The following HIBADH variants were observed in gnomAD, a reference collection of about 807,000 sequenced individuals.
The protein encoded by HIBADH is 3-hydroxyisobutyrate dehydrogenase.
Under a neutral mutation model 36.1 loss-of-function variants are expected in HIBADH, and 25 were observed. The observed-to-expected ratio is 0.69, with a 90% CI of 0.50 to 0.97. The LOEUF (loss-of-function observed/expected upper bound fraction) is 0.97. Ranked by LOEUF, HIBADH falls within the 50% of genes least tolerant of loss-of-function variation. The pLI, the probability that HIBADH is intolerant of heterozygous loss-of-function variation, is 0.00. For synonymous variants in HIBADH, 160 were observed against 149.5 expected (o/e 1.07, Z -0.51); for missense variants, 421 against 418.0 (o/e 1.01, Z -0.06).
intron 4 of HIBADH, among the ~76,000 whole-genome samples, chr7:27,576,720 C>A (rs1050569485): frequency 6.6e-6 from 1 of 152,152 alleles, no homozygotes. Flanking sequence ...CTGGCAAATA[C>A]AAAATGCCAA....
chr7:27,574,479 T>C (rs1446159797), intron 4 of HIBADH, among the ~76,000 whole-genome samples: 4 of 152,106 alleles, frequency 2.6e-5, no homozygotes, highest in South Asian at 2.1e-4. Context: ...CCAAGGAAAG[T>C]ACATTCCAAA....
At chr7:27,549,251 T>C (rs1341008761) in intron 4 of HIBADH, among the ~76,000 whole-genome samples, 4 of 152,190 alleles carry the variant, frequency 2.6e-5, no homozygotes, top group East Asian at 3.9e-4. Context: ...TTCTTGAAAA[T>C]TGCTGAGAGT....
intron 6 of HIBADH, among the ~76,000 whole-genome samples, chr7:27,537,092 T>C (rs1784080512): frequency 6.6e-6 from 1 of 152,138 alleles, no homozygotes; most frequent in African/African-American, 2.4e-5. Flanking sequence ...TTATGATAAG[T>C]GACCCATATC....
At chr7:27,603,661 A>AT (rs1295351331) in intron 4 of HIBADH, among the ~76,000 whole-genome samples, 1 of 152,196 alleles carries the variant, frequency 6.6e-6, no homozygotes, top group Non-Finnish European at 1.5e-5. Flanking sequence ...AGAATTAAAT[A>AT]TAACATCTTT....
chr7:27,647,227 C>T (rs1471963565), intron 2 of HIBADH, among the ~76,000 whole-genome samples: 1 of 152,170 alleles, frequency 6.6e-6, no homozygotes, highest in Non-Finnish European at 1.5e-5. Flanking sequence ...CAGGGAGTGT[C>T]TGCAGCATGG....
chr7:27,635,883 C>T (rs761507117), intron 2 of HIBADH, among the ~76,000 whole-genome samples: 18 of 152,306 alleles, frequency 1.2e-4, no homozygotes, highest in Non-Finnish European at 2.6e-4. Context: ...ATTTTGACTA[C>T]AGGAAATTGG....
chr7:27,628,890 T>A (rs2128294234), intron 4 of HIBADH, among the ~76,000 whole-genome samples: 1 of 152,256 alleles, frequency 6.6e-6, no homozygotes, highest in Admixed American at 6.5e-5. Context: ...GGGAAGTATT[T>A]CCTCTTTTCC....
At chr7:27,627,133 A>T (rs561967856) in intron 4 of HIBADH, among the ~76,000 whole-genome samples, 1 of 152,190 alleles carries the variant, frequency 6.6e-6, no homozygotes, top group African/African-American at 2.4e-5. Context: ...GTCATGCGGC[A>T]TGCTGACCAC....
chr7:27,603,847 G>A (rs1387255863), intron 4 of HIBADH, among the ~76,000 whole-genome samples: 1 of 152,138 alleles, frequency 6.6e-6, no homozygotes, highest in Admixed American at 6.5e-5. Context: ...CACATTTCGA[G>A]CTTTAAAACA....
intron 1 of HIBADH, among the ~76,000 whole-genome samples, chr7:27,659,654 T>G (rs1252558711): frequency 6.6e-6 from 1 of 152,020 alleles, no homozygotes; most frequent in African/African-American, 2.4e-5. Flanking sequence ...CCCACGAGGT[T>G]GAGGCTGCAA....
At chr7:27,581,137 T>G (rs940073186) in intron 4 of HIBADH, among the ~76,000 whole-genome samples, 1 of 152,164 alleles carries the variant, frequency 6.6e-6, no homozygotes, top group African/African-American at 2.4e-5. Context: ...GAAGGGGAAC[T>G]GTCAAGCAGC....
At chr7:27,634,736 A>G (rs570735437) in intron 2 of HIBADH, among the ~76,000 whole-genome samples, 26 of 152,216 alleles carry the variant, frequency 1.7e-4, no homozygotes, top group Non-Finnish European at 3.4e-4. Flanking sequence ...TTCCATCTAC[A>G]TAACTCCTTT....
intron 4 of HIBADH, among the ~76,000 whole-genome samples, chr7:27,550,101 G>C (rs1469379442): frequency 6.6e-6 from 1 of 151,960 alleles, no homozygotes; most frequent in East Asian, 1.9e-4. Context: ...AGTAGAGATG[G>C]GGTTTCACCA....
chr7:27,559,160 AAGG>A (rs1784432452), intron 4 of HIBADH, among the ~76,000 whole-genome samples: 1 of 152,090 alleles, frequency 6.6e-6, no homozygotes. Context: ...CCCTTTTTGT[AAGG>A]AGAACAATCA....
At chr7:27,592,704 C>T (rs1463565132) in intron 4 of HIBADH, among the ~76,000 whole-genome samples, 4 of 152,164 alleles carry the variant, frequency 2.6e-5, no homozygotes, top group Admixed American at 6.5e-5. Context: ...CTACAAATGC[C>T]TCTCACTTGT....
At chr7:27,645,382 T>TTTTTTTTTTTTTTTTTTTTTG (rs1562657294) in intron 2 of HIBADH, among the ~76,000 whole-genome samples, 1 of 129,080 alleles carries the variant, frequency 7.7e-6, no homozygotes, top group African/African-American at 3.1e-5. Context: ...TTTTTTTTTT[T>TTTTTTTTTTTTTTTTTTTTTG]TTTTTTTTTT....
intron 4 of HIBADH, among the ~76,000 whole-genome samples, chr7:27,565,143 C>G (rs972673980): frequency 6.6e-6 from 1 of 152,160 alleles, no homozygotes; most frequent in Non-Finnish European, 1.5e-5. Context: ...CTAATCACCC[C>G]AGGGCCAAGT....
chr7:27,577,808 T>C (rs542865348), intron 4 of HIBADH, among the ~76,000 whole-genome samples: 1 of 152,180 alleles, frequency 6.6e-6, no homozygotes, highest in Non-Finnish European at 1.5e-5. Context: ...AAGAAACAAA[T>C]ATACTTCCCT....
chr7:27,609,230 T>C (rs1340405988), intron 4 of HIBADH, among the ~76,000 whole-genome samples: 1 of 152,196 alleles, frequency 6.6e-6, no homozygotes, highest in Non-Finnish European at 1.5e-5. Context: ...GCCTCAACCA[T>C]GTTATCTTGG....
Sources: gnomAD v4.1 joint callset for allele counts (sites outside exome capture counted in the v4.1 genomes callset) on GRCh38, gnomAD v4.1.1 for gene constraint, MANE v1.5 for transcripts, NCBI Gene and HGNC (gene_info 2026-07-23, HGNC 2026-07-21) for gene names.